Variants in NPFFR2 observed in about 807,000 individuals in gnomAD.
NPFFR2 encodes G-protein coupled receptor 74.
Under a neutral mutation model 13.1 loss-of-function variants are expected in NPFFR2, and 15 were observed. The observed-to-expected ratio is 1.15, with a 90% CI of 0.77 to 1.76. The LOEUF (loss-of-function observed/expected upper bound fraction) is 1.76, where lower values mean the gene tolerates loss of function less well. Among genes scored for constraint, NPFFR2 ranks in the 40% most tolerant of loss-of-function variants. The pLI, the probability that NPFFR2 is intolerant of heterozygous loss-of-function variation, is 0.00. For synonymous variants in NPFFR2, 190 were observed against 175.7 expected (o/e 1.08, Z -0.65); for missense variants, 572 against 503.5 (o/e 1.14, Z -1.30).
intron 1 of NPFFR2, among the ~76,000 whole-genome samples, chr4:72,108,284 TTAAA>T (rs1721472646): frequency 6.6e-6 from 1 of 152,006 alleles, no homozygotes; most frequent in African/African-American, 2.4e-5. Flanking sequence ...TATTAAAGAA[TTAAA>T]TAAAGAAGGC....
chr4:72,032,659 T>C (rs1015679133), intron 1 of NPFFR2, among the ~76,000 whole-genome samples: 2 of 152,248 alleles, frequency 1.3e-5, no homozygotes, highest in African/African-American at 4.8e-5. Context: ...ATCAGGTTTC[T>C]GAGCTGCGTA....
chr4:72,068,452 G>T (rs1226820405), intron 1 of NPFFR2, among the ~76,000 whole-genome samples: 1 of 152,164 alleles, frequency 6.6e-6, no homozygotes, highest in African/African-American at 2.4e-5. Context: ...ACTTCTTAAA[G>T]GCCCTACAAT....
intron 2 of NPFFR2, among the ~76,000 whole-genome samples, chr4:72,131,154 G>A (rs898322893): frequency 6.6e-5 from 10 of 151,976 alleles, no homozygotes; most frequent in Non-Finnish European, 8.8e-5. Flanking sequence ...TATAGGATGC[G>A]GGGCGTGGCA....
At chr4:72,143,624 C>G (rs555533150) in intron 3 of NPFFR2, among the ~76,000 whole-genome samples, 1 of 152,242 alleles carries the variant, frequency 6.6e-6, no homozygotes, top group Admixed American at 6.5e-5. Flanking sequence ...TCTCAGCACC[C>G]CTTGGCCCAG....
chr4:72,128,857 T>C lies in NPFFR2; in HGVS notation c.266T>C (p.Ile89Thr). 1 of 1,613,044 alleles carries C rather than the reference T, an allele frequency of 6.2e-7. No individual in the cohort carries two copies. Among genetic ancestry groups the C allele is most frequent in the South Asian group, 1.1e-5 (1 of 91,052 alleles). ...AATCTCTTCATCTTAAACCTGGCCA[T>C]AAGTGATTTACTAGTTGGCATATTC... Reference protein sequence around the residue: ...VTNLFILNLAISDLLVGIFCM... With the variant: ...VTNLFILNLATSDLLVGIFCM... The change falls in exon 2 of 4, where the codon ATA becomes ACA. Residue 89 changes from isoleucine to threonine, a missense_variant. By Grantham distance (89) the Ile-to-Thr change is moderately conservative (BLOSUM62 -1). Coordinates refer to ENST00000308744, the MANE Select transcript of NPFFR2 (RefSeq NM_004885.3).
intron 1 of NPFFR2, among the ~76,000 whole-genome samples, chr4:72,053,122 A>T (rs866907957): frequency 6.6e-6 from 1 of 151,908 alleles, no homozygotes; most frequent in African/African-American, 2.4e-5. Flanking sequence ...TGTCGTTGGC[A>T]ATGGTCCTCA....
chr4:72,058,513 C>T (rs1208523197), intron 1 of NPFFR2, among the ~76,000 whole-genome samples: 1 of 151,944 alleles, frequency 6.6e-6, no homozygotes, highest in African/African-American at 2.4e-5. Flanking sequence ...ATAAGCTGGT[C>T]CCTGGCAACT....
intron 1 of NPFFR2, among the ~76,000 whole-genome samples, chr4:72,043,965 C>T (rs556785181): frequency 9.2e-5 from 14 of 152,076 alleles, no homozygotes; most frequent in Admixed American, 7.2e-4. Flanking sequence ...AAAATCCCCA[C>T]GTGTAATGAA....
intron 1 of NPFFR2, among the ~76,000 whole-genome samples, chr4:72,088,752 C>G (rs938077520): frequency 1.3e-5 from 2 of 151,922 alleles, no homozygotes; most frequent in African/African-American, 4.8e-5. Context: ...CTCATTATCA[C>G]AAGAACAGCT....
intron 1 of NPFFR2, among the ~76,000 whole-genome samples, chr4:72,079,622 C>G (rs963339089): frequency 6.6e-6 from 1 of 151,994 alleles, no homozygotes; most frequent in Admixed American, 6.6e-5. Context: ...GATCAGACCT[C>G]ATAAAAATTA....
At chr4:72,061,275 ACCT>A (rs1719911434) in intron 1 of NPFFR2, among the ~76,000 whole-genome samples, 1 of 152,180 alleles carries the variant, frequency 6.6e-6, no homozygotes, top group African/African-American at 2.4e-5. Context: ...CCTGTCTTTC[ACCT>A]TCCAAATCTC....
At chr4:72,127,303 CAAAAAA>C (rs772559589) in intron 1 of NPFFR2, among the ~76,000 whole-genome samples, 287 of 11,162 alleles carry the variant, frequency 0.026, no homozygotes, top group African/African-American at 0.095. Flanking sequence ...GACTCCATCT[CAAAAAA>C]AAAAAAAAAA....
intron 3 of NPFFR2, among the ~76,000 whole-genome samples, chr4:72,142,844 G>A (rs759373540): frequency 6.6e-6 from 1 of 152,154 alleles, no homozygotes; most frequent in African/African-American, 2.4e-5. Flanking sequence ...TACTGGGCTG[G>A]GTTGGTAACA....
intron 1 of NPFFR2, among the ~76,000 whole-genome samples, chr4:72,094,055 T>C (rs1033660946): frequency 7.6e-6 from 1 of 132,330 alleles, no homozygotes; most frequent in Non-Finnish European, 1.7e-5. Flanking sequence ...CCCCTTTCCC[T>C]AGGGATGGGG....
At chr4:72,085,515 G>A (rs1170310917) in intron 1 of NPFFR2, among the ~76,000 whole-genome samples, 1 of 151,956 alleles carries the variant, frequency 6.6e-6, no homozygotes, top group East Asian at 1.9e-4. Context: ...CTAAATGTAT[G>A]CCATGTTGAG....
At chr4:72,081,264 T>C (rs1043860262) in intron 1 of NPFFR2, among the ~76,000 whole-genome samples, 1 of 152,218 alleles carries the variant, frequency 6.6e-6, no homozygotes, top group African/African-American at 2.4e-5. Flanking sequence ...GGCTGCTTTC[T>C]GCTATACAAC....
intron 1 of NPFFR2, among the ~76,000 whole-genome samples, chr4:72,118,375 TAAC>T (rs1384853838): frequency 2.6e-5 from 4 of 152,190 alleles, no homozygotes; most frequent in African/African-American, 7.2e-5. Flanking sequence ...AATGAAAACC[TAAC>T]AACAACACTA....
intron 3 of NPFFR2, among the ~76,000 whole-genome samples, chr4:72,141,177 C>A (rs1046632780): frequency 1.3e-5 from 2 of 151,864 alleles, no homozygotes; most frequent in Non-Finnish European, 2.9e-5. Flanking sequence ...TGCTAGTAGT[C>A]TATCAATTTT....
chr4:72,111,898 C>T (rs952960062), intron 1 of NPFFR2, among the ~76,000 whole-genome samples: 9 of 152,014 alleles, frequency 5.9e-5, no homozygotes, highest in Non-Finnish European at 8.8e-5. Flanking sequence ...CTAGTTTCAG[C>T]TTTGGGTCTT....
Sources: allele counts gnomAD v4.1 joint callset (sites outside exome capture counted in the v4.1 genomes callset), GRCh38; gene constraint gnomAD v4.1.1; transcripts MANE v1.5; gene names NCBI Gene and HGNC (gene_info 2026-07-23, HGNC 2026-07-21).